ADCYAP1R1: variants seen among roughly 807,000 people sequenced by gnomAD.
The protein encoded by ADCYAP1R1 is ADCYAP receptor type I, also known as pituitary adenylate cyclase-activating polypeptide type I receptor.
A neutral mutation model predicts 67.6 loss-of-function variants in ADCYAP1R1; 44 were observed. The ratio of observed to expected loss-of-function variants is 0.65; its 90% CI spans 0.51 to 0.84. ADCYAP1R1 has a LOEUF of 0.84. ADCYAP1R1 is among the 40% of genes least tolerant of loss of function. The pLI, the probability that ADCYAP1R1 is intolerant of heterozygous loss-of-function variation, is 0.00. For missense variants in ADCYAP1R1, 477 were observed against 587.9 expected, an observed-to-expected ratio of 0.81 and a Z score of 1.95; for synonymous variants, 222 against 219.6, an observed-to-expected ratio of 1.01 and a Z score of -0.10.
At chr7:31,085,498 C>T (rs559466549) in intron 9 of ADCYAP1R1, 56 bp downstream of exon 9, 7 of 1,556,446 alleles carry the variant, frequency 4.5e-6, no homozygotes, top group Admixed American at 1.8e-5. Context: ...CGCACCATCC[C>T]CTTGGTTCCC....
intron 5 of ADCYAP1R1, 114 bp from the exon 6 acceptor site, chr7:31,081,599 C>G: frequency 1.3e-6 from 1 of 770,090 alleles, no homozygotes; most frequent in East Asian, 2.7e-5. Flanking sequence ...GGCCAGGACT[C>G]CATCCCCTAC....
chr7:31,053,267 G>T (rs1395898811), intron 1 of ADCYAP1R1, among the ~76,000 whole-genome samples: 1 of 152,222 alleles, frequency 6.6e-6, no homozygotes, highest in Non-Finnish European at 1.5e-5. Context: ...TGTCGTCTTC[G>T]TTTCCCGTGG....
chr7:31,090,720 T>C (rs985530621), intron 12 of ADCYAP1R1, among the ~76,000 whole-genome samples: 1 of 152,242 alleles, frequency 6.6e-6, no homozygotes, highest in African/African-American at 2.4e-5. Context: ...GGCCTCCAGC[T>C]GTGTCCATGT....
At chr7:31,065,010 G>GTTTTCCTGT in intron 3 of ADCYAP1R1, 74 bp downstream of exon 3, 1 of 1,166,732 alleles carries the variant, frequency 8.6e-7, no homozygotes, top group Non-Finnish European at 1.2e-6. Context: ...GCTCAGGCTC[G>GTTTTCCTGT]GCCAGTGAGT....
rs1258070509 is a variant in ADCYAP1R1 at position 31,109,593 on chromosome 7, G to A, written c.*2909G>A. The A allele has an allele frequency of 6.6e-6, 1 of 152,118 alleles. No homozygotes were observed. The highest frequency in any genetic ancestry group is 1.5e-5 in the Non-Finnish European group (1 of 68,020). The allele number at this position is 152,118 out of a possible 1,614,324, so 9.4% of individuals were successfully genotyped here. A position where few individuals can be genotyped will look rare whatever the true frequency, so the allele number is the denominator to read the frequency against. ...CTGTTGATGATCATTCCTGGGAAGG[G>A]GTTTCTCGTTCTATGCAATCCTAAA... is the stretch of plus-strand genomic sequence containing the variant. On this transcript the variant is annotated 3_prime_UTR_variant, in exon 16 of 16. Coordinates refer to ENST00000304166, the MANE Select transcript of ADCYAP1R1 (RefSeq NM_001118.5).
chr7:31,063,838 C>G (rs1794615647), intron 2 of ADCYAP1R1, among the ~76,000 whole-genome samples: 1 of 152,208 alleles, frequency 6.6e-6, no homozygotes, highest in Admixed American at 6.5e-5. Context: ...TCTGGCCTGA[C>G]TCACTGTGTG....
At chr7:31,098,739 G>A (rs1796317518) in intron 13 of ADCYAP1R1, among the ~76,000 whole-genome samples, 2 of 146,116 alleles carry the variant, frequency 1.4e-5, no homozygotes, top group African/African-American at 2.5e-5. Flanking sequence ...GCCCCATCTT[G>A]GAAATGTGTG....
intron 3 of ADCYAP1R1, among the ~76,000 whole-genome samples, chr7:31,074,654 C>G (rs1795133674): frequency 6.6e-6 from 1 of 152,238 alleles, no homozygotes; most frequent in Non-Finnish European, 1.5e-5. Flanking sequence ...ACGGCCGTTC[C>G]ACGGTCAACA....
At position 31,085,408 on chromosome 7, in the gene ADCYAP1R1, C is replaced by G; in HGVS notation, c.635C>G (p.Ala212Gly). 6.2e-7 allele frequency: 1 copy of G among 1,613,712 alleles called. No individual in the cohort carries two copies. The highest frequency in any genetic ancestry group is 8.5e-7 in the Non-Finnish European group (1 of 1,179,996). Residue 212 changes from alanine (A) to glycine (G), a missense_variant, in exon 9 of 16, where the codon GCG (alanine) becomes GGG (glycine). By Grantham distance (60) the Ala-to-Gly change is moderately conservative (BLOSUM62 0). Transcript: ENST00000304166. ...SVFIKDWILY[A>G]EQDSNHCFIS... ...TTCATCAAAGACTGGATTCTGTATG[C>G]GGAGCAGGACAGCAACCACTGCTTC...
Position 31,087,583 on chromosome 7 carries a change from C to T in ADCYAP1R1, c.885-44C>T, listed in dbSNP as rs1256367570. ...CAGTGTCCCGCAGGCTTCTATGCTG[C>T]CGACTCACAGACGTGATCTTGCTTC... On this transcript the variant is annotated intron_variant, in intron 11 of 15. Transcript: ENST00000304166. 3.8e-6 allele frequency: 6 copies of T among 1,585,858 alleles called. No individual in the cohort carries two copies. The African/African-American group carries it at 5.4e-5, about 14-fold the overall frequency.
intron 1 of ADCYAP1R1, among the ~76,000 whole-genome samples, chr7:31,055,009 T>G (rs575724745): frequency 6.6e-6 from 1 of 152,176 alleles, no homozygotes; most frequent in African/African-American, 2.4e-5. Context: ...CCTGGCAAGA[T>G]GGAGACTGGA....
intron 1 of ADCYAP1R1, among the ~76,000 whole-genome samples, chr7:31,056,397 A>G (rs898732440): frequency 6.6e-6 from 1 of 152,118 alleles, no homozygotes; most frequent in Non-Finnish European, 1.5e-5. Flanking sequence ...AAACATATAT[A>G]TATCCTTCCT....
At chr7:31,084,694 C>T (rs201932650) in intron 7 of ADCYAP1R1, 43 bp from the exon 8 acceptor site, 313 of 1,538,878 alleles carry the variant, frequency 2.0e-4, no homozygotes, top group Non-Finnish European at 2.6e-4. Context: ...TGGCTGTGGG[C>T]AGGTCTCACA....
intron 1 of ADCYAP1R1, among the ~76,000 whole-genome samples, chr7:31,053,451 AC>A: frequency 6.6e-6 from 1 of 152,312 alleles, no homozygotes; most frequent in Non-Finnish European, 1.5e-5. Context: ...GGCGGAGGCC[AC>A]ATCCTCGGCG....
chr7:31,074,487 C>T (rs541039450), intron 3 of ADCYAP1R1, among the ~76,000 whole-genome samples: 6 of 152,350 alleles, frequency 3.9e-5, no homozygotes, highest in African/African-American at 7.2e-5. Context: ...CAGCCCTCCT[C>T]GCCCTCAACA....
At chr7:31,074,755 A>G (rs1026681641) in intron 3 of ADCYAP1R1, among the ~76,000 whole-genome samples, 1 of 152,228 alleles carries the variant, frequency 6.6e-6, no homozygotes, top group African/African-American at 2.4e-5. Flanking sequence ...TCCTCTGCTA[A>G]TGGTTACACA....
intron 3 of ADCYAP1R1, among the ~76,000 whole-genome samples, chr7:31,076,479 C>T (rs750205906): frequency 1.7e-4 from 26 of 152,174 alleles, no homozygotes; most frequent in Non-Finnish European, 3.5e-4. Context: ...GGTCATAAAG[C>T]TTGACAGTTT....
At chr7:31,067,832 C>T (rs17723231) in intron 3 of ADCYAP1R1, among the ~76,000 whole-genome samples, 37,207 of 152,140 alleles carry the variant, frequency 0.24, 4,761 homozygotes, top group Non-Finnish European at 0.28. Context: ...CTAAGGACAG[C>T]GTATGGGATT....
At position 31,086,132 on chromosome 7, in the gene ADCYAP1R1, G is replaced by A. The variant is rs900723129; in HGVS notation, c.670-252G>A. Among the ~76,000 whole-genome samples the A allele has an allele frequency of 2.6e-5, 4 of 152,230 alleles. No individual in the cohort carries two copies. Among genetic ancestry groups the A allele is most frequent in the Non-Finnish European group, 4.4e-5 (3 of 68,038 alleles). On this transcript the variant is annotated intron_variant, in intron 9 of 15. Coordinates refer to ENST00000304166, the MANE Select transcript of ADCYAP1R1 (RefSeq NM_001118.5). This position sits in a 1 kb window ranked among gnomAD's most constrained non-coding sequence, Gnocchi z 5.0. ...AAGGAGCAGGAAAGTGAAGGAGGAT[G>A]AGCTGGTGGTGGGGAGGCTCTGTGT...
Sources: gnomAD v4.1 joint callset for allele counts (sites outside exome capture counted in the v4.1 genomes callset) on GRCh38, gnomAD v4.1.1 for gene constraint, Gnocchi (gnomAD v3.1) non-coding constraint, MANE v1.5 for transcripts, NCBI Gene and HGNC (gene_info 2026-07-23, HGNC 2026-07-21) for gene names.